ELP1: variants seen among roughly 807,000 people sequenced by gnomAD.
ELP1 encodes elongator acetyltransferase complex subunit 1, also known as elongator complex protein 1.
A neutral mutation model predicts 183.2 loss-of-function variants in ELP1; 131 were observed. That is an observed-to-expected ratio of 0.72 (90% CI 0.62 to 0.83). ELP1 has a LOEUF of 0.83. Ranked by LOEUF, ELP1 falls within the 40% of genes least tolerant of loss-of-function variation. The pLI, the probability that ELP1 is intolerant of heterozygous loss-of-function variation, is 0.00. For missense variants in ELP1, 1,550 were observed against 1,594.9 expected, an observed-to-expected ratio of 0.97 and a Z score of 0.48; for synonymous variants, 555 against 569.0, an observed-to-expected ratio of 0.98 and a Z score of 0.35.
intron 9 of ELP1, among the ~76,000 whole-genome samples, chr9:108,916,588 T>G (rs1284641561): frequency 6.6e-6 from 1 of 152,190 alleles, no homozygotes; most frequent in Non-Finnish European, 1.5e-5. Flanking sequence ...GAATATGGAC[T>G]GGGTGTTAGA....
intron 5 of ELP1, among the ~76,000 whole-genome samples, chr9:108,925,484 A>G (rs1285640915): frequency 6.6e-6 from 1 of 151,980 alleles, no homozygotes; most frequent in Non-Finnish European, 1.5e-5. Context: ...CCCAATACCA[A>G]TTCAGCTGAC....
In ELP1 at chr9:108,912,333, G is replaced by A; in HGVS notation, c.1120C>T (p.His374Tyr). ...QGWHYLAYDW[H>Y]WTTDRSVGDN... ...CCCACGCTCCGGTCAGTCGTCCAGT[G>A]CCAATCATAGGCGAGGTAATGCCAG... The change falls in exon 11 of 37, where the codon CAC (histidine) becomes TAC (tyrosine). Residue 374 changes from histidine (H) to tyrosine (Y), a missense_variant. By Grantham distance (83) the His-to-Tyr change is moderately conservative. Transcript: ENST00000374647. The A allele has an allele frequency of 6.2e-7, 1 of 1,614,160 alleles. No homozygotes were observed. Among genetic ancestry groups the A allele is most frequent in the Non-Finnish European group, 8.5e-7 (1 of 1,180,036 alleles).
At chr9:108,878,186 T>C (rs1354711128) in intron 34 of ELP1, 37 bp from the exon 35 acceptor site, 13 of 1,564,744 alleles carry the variant, frequency 8.3e-6, no homozygotes, top group Admixed American at 1.7e-5. Context: ...GTAAGTTATA[T>C]TCCCAGCTCC....
rs1184601811 is a variant in ELP1 at position 108,868,540 on chromosome 9, C to T, written c.*575G>A. On this transcript the variant is annotated 3_prime_UTR_variant, in exon 37 of 37. Coordinates refer to ENST00000374647, the MANE Select transcript of ELP1 (RefSeq NM_003640.5). ...CAGGCAGTAAAACAGTCCCTATAGA[C>T]ATTGTAATTATAGGAGGCTCAGCCC... is the stretch of plus-strand genomic sequence containing the variant. The T allele has an allele frequency of 9.3e-6, 4 of 432,276 alleles. No individual in the cohort carries two copies. In the East Asian group the frequency reaches 1.0e-4, roughly 11 times the overall value. The allele number at this position is 432,276 out of a possible 1,614,324, so 26.8% of individuals were successfully genotyped here.
chr9:108,889,861 C>T (rs533272573), intron 28 of ELP1, among the ~76,000 whole-genome samples: 55 of 152,314 alleles, frequency 3.6e-4, no homozygotes, highest in African/African-American at 1.3e-3. Flanking sequence ...TCATTGCATG[C>T]TCACTCCAGT....
At position 108,878,648 on chromosome 9, in the gene ELP1, C is replaced by T. The variant is rs757869602; in HGVS notation, c.3675G>A (p.Val1225=). ...DLALLEALSE[V]VQNTENLKDE... is the part of the protein sequence containing the mutation. ...CTTTCAGGTTTTCAGTGTTCTGCACCACTTCACTCAGTGCCTCCAGGAGGG... is the reference window on the plus strand; with the variant it reads ...CTTTCAGGTTTTCAGTGTTCTGCACTACTTCACTCAGTGCCTCCAGGAGGG... Residue 1225 remains valine (V), a synonymous_variant, in exon 34 of 37, where the codon GTG becomes GTA. Transcript: ENST00000374647. 4.3e-6 allele frequency: 7 copies of T among 1,614,198 alleles called. No homozygotes were observed. Among genetic ancestry groups the T allele is most frequent in the Non-Finnish European group, 5.9e-6 (7 of 1,180,022 alleles).
chr9:108,912,113 C>G, intron 11 of ELP1, 151 bp downstream of exon 11: 1 of 708,954 alleles, frequency 1.4e-6, no homozygotes, highest in Non-Finnish European at 2.6e-6. Context: ...GAGAACATAC[C>G]CCACCTTATA....
chr9:108,890,663 C>A (rs1241073943), intron 28 of ELP1, among the ~76,000 whole-genome samples: 1 of 152,212 alleles, frequency 6.6e-6, no homozygotes, highest in Non-Finnish European at 1.5e-5. Context: ...AATGCTTCGA[C>A]ATTTGGCCTT....
Position 108,897,279 on chromosome 9 carries a change from T to C in ELP1, c.2370A>G (p.Glu790=), listed in dbSNP as rs772114554. ...CAGGGTACATGGTCTTCGTGACATC[T>C]TCTTCTCTAAGAACAGGTGTGTATG... is the stretch of plus-strand genomic sequence containing the variant. ...INLFFTELKE[E]DVTKTMYPAP... Residue 790 remains glutamate (E), a synonymous_variant, in exon 23 of 37, where the codon GAA becomes GAG. Coordinates refer to ENST00000374647, the MANE Select transcript of ELP1 (RefSeq NM_003640.5). 5 of 1,614,006 alleles carry C rather than the reference T, an allele frequency of 3.1e-6. No homozygotes were observed. The East Asian group carries it at 1.1e-4, about 36-fold the overall frequency.
In ELP1 at chr9:108,897,290, G is replaced by T. The variant is rs1828595418; in HGVS notation, c.2364-5C>A. 3 of 1,613,980 alleles carry T rather than the reference G, an allele frequency of 1.9e-6. No homozygotes were observed. The highest frequency in any genetic ancestry group is 2.5e-6 in the Non-Finnish European group (3 of 1,179,992). On this transcript the variant is annotated splice_polypyrimidine_tract_variant and splice_region_variant and intron_variant, in intron 22 of 36. Transcript: ENST00000374647. ...GTCTTCGTGACATCTTCTTCTCTAAGAACAGGTGTGTATGGAATGGTCATC... is the reference window on the plus strand; with the variant it reads ...GTCTTCGTGACATCTTCTTCTCTAATAACAGGTGTGTATGGAATGGTCATC...
At chr9:108,884,476 C>A (rs901025519) in intron 29 of ELP1, among the ~76,000 whole-genome samples, 1 of 152,088 alleles carries the variant, frequency 6.6e-6, no homozygotes, top group Non-Finnish European at 1.5e-5. Flanking sequence ...ACACAACATT[C>A]TGTAAAACAG....
intron 20 of ELP1, 30 bp from the exon 21 acceptor site, chr9:108,898,779 G>T: frequency 1.3e-6 from 2 of 1,523,422 alleles, no homozygotes; most frequent in South Asian, 1.1e-5. Flanking sequence ...GAATAGAAAA[G>T]ATATTCACAA....
rs182878440 is a variant in ELP1, at chr9:108,884,068, C to G, written c.3223-1881G>C. ...CTTTCAAAATAAAGACTACATTCAGCTAGATTAAAAGTAAAAGGATAGAAA... is the reference window on the plus strand; with the variant it reads ...CTTTCAAAATAAAGACTACATTCAGGTAGATTAAAAGTAAAAGGATAGAAA... On this transcript the variant is annotated intron_variant, in intron 29 of 36. Coordinates refer to ENST00000374647, the MANE Select transcript of ELP1 (RefSeq NM_003640.5). Among the ~76,000 whole-genome samples, 713 of 149,598 alleles carry G rather than the reference C, an allele frequency of 4.8e-3. 2 individuals are homozygous for G. The highest frequency in any genetic ancestry group is 0.035 in the Middle Eastern group (10 of 284).
intron 11 of ELP1, 114 bp downstream of exon 11, chr9:108,912,150 C>T: frequency 1.2e-6 from 1 of 841,070 alleles, no homozygotes. Flanking sequence ...AACAAGTAAC[C>T]CAAACAGCCA....
chr9:108,871,586 C>T (rs939951726), intron 36 of ELP1, among the ~76,000 whole-genome samples: 1 of 152,200 alleles, frequency 6.6e-6, no homozygotes, highest in African/African-American at 2.4e-5. Context: ...GATCATAAAC[C>T]TGACTGCCTT....
intron 13 of ELP1, among the ~76,000 whole-genome samples, chr9:108,907,037 G>A (rs1361733548): frequency 2.6e-5 from 4 of 152,106 alleles, no homozygotes; most frequent in Non-Finnish European, 5.9e-5. Context: ...TGGCAAATCC[G>A]CAGCTCCCAC....
chr9:108,931,282 T>C (rs1370444314), intron 1 of ELP1, 81 bp from the exon 2 acceptor site: 4 of 937,040 alleles, frequency 4.3e-6, no homozygotes, highest in Admixed American at 4.0e-5. Context: ...GAAGAAGTGG[T>C]AGTCAGAATC....
At position 108,918,834 on chromosome 9, in the gene ELP1, T is replaced by G. The variant is rs1333495798; in HGVS notation, c.717A>C (p.Gly239=). 12 of 1,613,782 alleles carry G rather than the reference T, an allele frequency of 7.4e-6. No individual in the cohort carries two copies. Among genetic ancestry groups the G allele is most frequent in the Non-Finnish European group, 9.3e-6 (11 of 1,179,796 alleles). ...ACTTCCAAGCCAGGGCTGGTCCCAG[T>G]CCTGCCACAGGCTCACTGGTTGACT... ...ALQSTSEPVA[G]LGPALAWKPS... is the part of the protein sequence containing the mutation. Residue 239 remains glycine, a synonymous_variant, in exon 8 of 37, where the codon GGA becomes GGC. Coordinates refer to ENST00000374647, the MANE Select transcript of ELP1 (RefSeq NM_003640.5).
At position 108,896,560 on chromosome 9, in the gene ELP1, T is replaced by C; in HGVS notation, c.2672A>G (p.Tyr891Cys). 6.2e-7 allele frequency: 1 copy of C among 1,613,806 alleles called. No individual in the cohort carries two copies. The highest frequency in any genetic ancestry group is 1.1e-5 in the South Asian group (1 of 91,080). ...LLHLVDVNEL[Y>C]DHSLGTYDFD... ...GTCATAGGTGCCAAGAGAATGATCA[T>C]ATAATTCATTAACATCTACCAGATG... Residue 891 changes from tyrosine to cysteine, a missense_variant, in exon 25 of 37, where the codon TAT becomes TGT. Physicochemically the swap from Tyr to Cys is radical, Grantham distance 194. Coordinates refer to ENST00000374647, the MANE Select transcript of ELP1 (RefSeq NM_003640.5).
Sources: gnomAD v4.1 joint callset for allele counts (sites outside exome capture counted in the v4.1 genomes callset) on GRCh38, gnomAD v4.1.1 for gene constraint, MANE v1.5 for transcripts, NCBI Gene and HGNC (gene_info 2026-07-23, HGNC 2026-07-21) for gene names.